The following ZNF428 variants were observed in gnomAD, a reference collection of about 807,000 sequenced individuals.
ZNF428 encodes the protein zinc finger protein 428, also known as enzyme-like protein PIT13.
ZNF428 carries 5 observed loss-of-function variants against 15.6 expected under a neutral mutation model. The ratio of observed to expected loss-of-function variants is 0.32; its 90% CI spans 0.17 to 0.67. The LOEUF (loss-of-function observed/expected upper bound fraction) is 0.67, where lower values mean the gene tolerates loss of function less well. Ranked by LOEUF, ZNF428 falls within the 30% of genes least tolerant of loss-of-function variation. The pLI, the probability that ZNF428 is intolerant of heterozygous loss-of-function variation, is 0.73. For missense variants in ZNF428, 237 were observed against 256.0 expected (o/e 0.93, Z 0.51); for synonymous variants, 97 against 102.2 (o/e 0.95, Z 0.31).
Position 43,607,273 on chromosome 19 carries a change from G to A in ZNF428, c.*344C>T. 1 of 248,232 alleles carries A rather than the reference G, an allele frequency of 4.0e-6. No homozygotes were observed. The highest frequency in any genetic ancestry group is 7.6e-6 in the Non-Finnish European group (1 of 130,720). The allele number at this position is 248,232 out of a possible 1,614,324, so 15.4% of individuals were successfully genotyped here. ...TTAGAGCCTTTACATTATGGGGTCT[G>A]TAAGTAAATACATGGAAACCTCATC... is the stretch of plus-strand genomic sequence containing the variant. On this transcript the variant is annotated 3_prime_UTR_variant, in exon 3 of 3. Transcript: ENST00000300811. The surrounding 1 kb of genome is among the most constrained non-coding windows in gnomAD (Gnocchi z 5.1).
chr19:43,614,494 C>G, intron 1 of ZNF428, 60 bp from the exon 2 acceptor site: 1 of 1,401,622 alleles, frequency 7.1e-7, no homozygotes, highest in Non-Finnish European at 9.3e-7. Context: ...TAGCACCCAT[C>G]CCCACCAAGC....
rs999925443 is a variant in ZNF428 at position 43,607,845 on chromosome 19, G to T, written c.339C>A (p.Leu113=). Residue 113 remains leucine (L), a synonymous_variant, in exon 3 of 3, where the codon CTC becomes CTA. Transcript: ENST00000300811. The surrounding 1 kb of genome is among the most constrained non-coding windows in gnomAD (Gnocchi z 5.1). ...EAPPGTPPCR[L]CCPATAPQEA... ...CCTGGGGGGCTGTAGCAGGGCAGCA[G>T]AGCCGGCAGGGTGGGGTTCCCGGTG... The T allele has an allele frequency of 6.4e-6, 10 of 1,558,060 alleles. No homozygotes were observed. In the Admixed American group the frequency reaches 1.8e-4, roughly 27 times the overall value.
chr19:43,607,755 C>A lies in ZNF428; in HGVS notation c.429G>T (p.Glu143Asp). Residue 143 changes from glutamate to aspartate, a missense_variant, in exon 3 of 3, where the codon GAG (glutamate) becomes GAT (aspartate). By Grantham distance (45) the Glu-to-Asp change is conservative (BLOSUM62 2). Coordinates refer to ENST00000300811, the MANE Select transcript of ZNF428 (RefSeq NM_182498.4). This position sits in a 1 kb window ranked among gnomAD's most constrained non-coding sequence, Gnocchi z 5.1. ...EEEEEPPRAG[E>D]GRPAGREEEE... ...CCTCCTCCCGCCCAGCTGGTCGGCC[C>A]TCCCCAGCCCGAGGTGGTTCCTCCT... 1.2e-6 allele frequency: 2 copies of A among 1,610,362 alleles called. No individual in the cohort carries two copies. Among genetic ancestry groups the A allele is most frequent in the Non-Finnish European group, 8.5e-7 (1 of 1,178,260 alleles).
In ZNF428 at chr19:43,612,645, G is replaced by A. The variant is rs374749941; in HGVS notation, c.76+1584C>T. On this transcript the variant is annotated intron_variant, in intron 2 of 2. Transcript: ENST00000300811. This position sits in a 1 kb window ranked among gnomAD's most constrained non-coding sequence, Gnocchi z 4.2. ...GGGAGCCGGGGAAAGAGTTACGGCC[G>A]GCCTAGAACCAGCAACAGGGAAAGG... 2.2e-5 allele frequency: 34 copies of A among 1,551,288 alleles called. No homozygotes were observed. The highest frequency in any genetic ancestry group is 4.9e-5 in the East Asian group (2 of 40,924).
chr19:43,607,708 CCCT>C lies in ZNF428; in HGVS notation c.473_475del (p.Glu158del), dbSNP rs766751885. On this transcript the variant is annotated inframe_deletion, in exon 3 of 3. Transcript: ENST00000300811. This position sits in a 1 kb window ranked among gnomAD's most constrained non-coding sequence, Gnocchi z 5.1. The stretch of plus-strand genomic sequence containing the variant: ...CTCACATTCCGTACAGTGGTAGGTT[CCCT>C]CCTCCTCCTCTTCCTCCTCCTCCTC... The C allele has an allele frequency of 9.3e-6, 15 of 1,613,728 alleles. No individual in the cohort carries two copies. Among genetic ancestry groups the C allele is most frequent in the East Asian group, 2.2e-5 (1 of 44,878 alleles).
At chr19:43,616,800 GTCC>G (rs1452093401) in intron 1 of ZNF428, among the ~76,000 whole-genome samples, 20 of 149,230 alleles carry the variant, frequency 1.3e-4, no homozygotes, top group Non-Finnish European at 2.2e-4. Context: ...TGTCAAGAAT[GTCC>G]TCCTCCTCCT....
At chr19:43,614,031 A>G (rs774460116) in intron 2 of ZNF428, 198 bp downstream of exon 2, 2 of 1,551,946 alleles carry the variant, frequency 1.3e-6, no homozygotes, top group African/African-American at 2.7e-5. Context: ...ACCTCTAGCA[A>G]GGAGAGCGAC....
intron 1 of ZNF428, among the ~76,000 whole-genome samples, chr19:43,614,887 C>T (rs1234222112): frequency 2.6e-5 from 4 of 152,134 alleles, no homozygotes; most frequent in Admixed American, 6.5e-5. Flanking sequence ...CATGAGCCAC[C>T]GCACCCGTCC....
chr19:43,618,566 CTTTTTTTT>C (rs551668437), intron 1 of ZNF428, among the ~76,000 whole-genome samples: 1,896 of 98,368 alleles, frequency 0.019, 20 homozygotes, highest in Middle Eastern at 0.13. Context: ...TTAATTTTTA[CTTTTTTTT>C]TTTTTTTTTT....
In ZNF428 at chr19:43,614,288, T is replaced by C; in HGVS notation, c.17A>G (p.Glu6Gly). 6.2e-7 allele frequency: 1 copy of C among 1,610,856 alleles called. No homozygotes were observed. Among genetic ancestry groups the C allele is most frequent in the Non-Finnish European group, 8.5e-7 (1 of 1,178,166 alleles). MTETREPAETGGYASL... is the reference protein window; with the variant it reads MTETRGPAETGGYASL... ...GGCGTAGCCCCCAGTCTCAGCTGGC[T>C]CACGGGTCTCTGTCATGACCGGGGG... is the stretch of plus-strand genomic sequence containing the variant. The change falls in exon 2 of 3, where the codon GAG (glutamate) becomes GGG (glycine). Residue 6 changes from glutamate to glycine, a missense_variant. Transcript: ENST00000300811.
Position 43,612,950 on chromosome 19 carries a change from A to C in ZNF428, c.76+1279T>G, listed in dbSNP as rs1419011706. The C allele has an allele frequency of 6.4e-7, 1 of 1,551,594 alleles. No homozygotes were observed. Among genetic ancestry groups the C allele is most frequent in the African/African-American group, 1.4e-5 (1 of 73,076 alleles). ...TTATAACCAGGCCAGCACCCGCAGC[A>C]GGCCGCAAAGTCACAGCCAATCTAG... On this transcript the variant is annotated intron_variant, in intron 2 of 2. Transcript: ENST00000300811. This position sits in a 1 kb window ranked among gnomAD's most constrained non-coding sequence, Gnocchi z 4.2.
chr19:43,608,176 C>CCTGAAT (rs1466604545), intron 2 of ZNF428, 69 bp from the exon 3 acceptor site: 2 of 1,543,386 alleles, frequency 1.3e-6, no homozygotes, highest in Non-Finnish European at 1.7e-6. Flanking sequence ...CTGTCCCCTC[C>CCTGAAT]CTGAATCCCC....
At chr19:43,611,733 T>C (rs562525516) in intron 2 of ZNF428, among the ~76,000 whole-genome samples, 1 of 152,312 alleles carries the variant, frequency 6.6e-6, no homozygotes, top group Admixed American at 6.5e-5. Flanking sequence ...CTCTCTCGTA[T>C]GGGCTCCCCG....
At chr19:43,610,764 T>C (rs1274350452) in intron 2 of ZNF428, among the ~76,000 whole-genome samples, 1 of 152,148 alleles carries the variant, frequency 6.6e-6, no homozygotes, top group East Asian at 1.9e-4. Context: ...CACCATCCTT[T>C]AGGACCCAGT....
chr19:43,613,532 A>G, intron 2 of ZNF428: 1 of 1,551,528 alleles, frequency 6.4e-7, no homozygotes, highest in Non-Finnish European at 8.7e-7. Context: ...CAACAAGGCG[A>G]GAGATCGCAG....
intron 2 of ZNF428, among the ~76,000 whole-genome samples, chr19:43,610,371 T>A (rs1481502742): frequency 6.6e-6 from 1 of 151,940 alleles, no homozygotes; most frequent in Non-Finnish European, 1.5e-5. Context: ...AGGTAATTTT[T>A]GTATTTTTAG....
At chr19:43,616,121 C>G (rs1973369290) in intron 1 of ZNF428, among the ~76,000 whole-genome samples, 1 of 152,174 alleles carries the variant, frequency 6.6e-6, no homozygotes, top group African/African-American at 2.4e-5. Context: ...GAGACTGTAA[C>G]AAAGGCTGTA....
chr19:43,614,307 C>A lies in ZNF428; in HGVS notation c.-3G>T. 6.2e-7 allele frequency: 1 copy of A among 1,602,386 alleles called. No homozygotes were observed. Among genetic ancestry groups the A allele is most frequent in the Non-Finnish European group, 8.5e-7 (1 of 1,173,874 alleles). On this transcript the variant is annotated 5_prime_UTR_variant, in exon 2 of 3. Transcript: ENST00000300811. ...GCTGGCTCACGGGTCTCTGTCATGA[C>A]CGGGGGAGGGGACAGGAGACAGGAG...
In ZNF428 at chr19:43,613,859, G is replaced by C. The variant is rs746714366; in HGVS notation, c.76+370C>G. Reference sequence around the variant, plus strand: ...ATGGAGAAGCCCCAGCAAGGAGAGAGAGCGCAGACAATCTAGAAGCTCCAG... The same window carrying C: ...ATGGAGAAGCCCCAGCAAGGAGAGACAGCGCAGACAATCTAGAAGCTCCAG... On this transcript the variant is annotated intron_variant, in intron 2 of 2. Transcript: ENST00000300811. 3.2e-6 allele frequency: 5 copies of C among 1,550,238 alleles called. No homozygotes were observed. The South Asian group carries it at 3.6e-5, about 11-fold the overall frequency.
Sources: gnomAD v4.1 joint callset for allele counts (sites outside exome capture counted in the v4.1 genomes callset) on GRCh38, gnomAD v4.1.1 for gene constraint, Gnocchi (gnomAD v3.1) non-coding constraint, MANE v1.5 for transcripts, NCBI Gene and HGNC (gene_info 2026-07-23, HGNC 2026-07-21) for gene names.